The following BLM variants were observed in gnomAD, a reference collection of about 807,000 sequenced individuals.
BLM encodes BLM RecQ like helicase.
BLM carries 95 observed loss-of-function variants against 135.3 expected under a neutral mutation model. That is an observed-to-expected ratio of 0.70 (90% CI 0.59 to 0.83). BLM has a LOEUF of 0.83. Ranked by LOEUF, BLM falls within the 40% of genes least tolerant of loss-of-function variation. The pLI is 0.00. For missense variants in BLM, 1,518 were observed against 1,663.9 expected (o/e 0.91, Z 1.53); for synonymous variants, 520 against 589.2 (o/e 0.88, Z 1.70).
chr15:90,790,486 T>A, intron 14 of BLM, 163 bp from the exon 15 acceptor site: 1 of 474,346 alleles, frequency 2.1e-6, no homozygotes, highest in Non-Finnish European at 3.8e-6. Context: ...TAAAAACTCA[T>A]ATTAGTTATA....
chr15:90,771,010 T>C (rs1362264710), intron 12 of BLM, among the ~76,000 whole-genome samples: 2 of 152,236 alleles, frequency 1.3e-5, no homozygotes, highest in Non-Finnish European at 2.9e-5. Context: ...AGCACTGTTA[T>C]ATAGCACAAA....
intron 12 of BLM, among the ~76,000 whole-genome samples, chr15:90,780,699 C>G (rs1351179491): frequency 6.6e-6 from 1 of 152,212 alleles, no homozygotes; most frequent in Admixed American, 6.5e-5. Flanking sequence ...GCACCAAGCG[C>G]TATGCTGTGT....
intron 3 of BLM, 126 bp from the exon 4 acceptor site, chr15:90,751,661 G>T: frequency 1.3e-6 from 1 of 743,606 alleles, no homozygotes; most frequent in South Asian, 1.6e-5. Context: ...AAAGGGAGAG[G>T]ATCCATACAA....
In BLM at chr15:90,815,389, CTA is replaced by C; in HGVS notation, c.*112_*113del. On this transcript the variant is annotated 3_prime_UTR_variant, in exon 22 of 22. Transcript: ENST00000355112. The surrounding 1 kb of genome is among the most constrained non-coding windows in gnomAD (Gnocchi z 4.6). Reference sequence around the variant, plus strand: ...TACCATTTGAAGTTTTTACTCGTCTCTATTAATATTTAAATAAATGCTGGGGG... The same window carrying C: ...TACCATTTGAAGTTTTTACTCGTCTCTTAATATTTAAATAAATGCTGGGGG... The C allele has an allele frequency of 8.5e-7, 1 of 1,172,308 alleles. No homozygotes were observed. The highest frequency in any genetic ancestry group is 1.2e-6 in the Non-Finnish European group (1 of 808,876). 72.6% of individuals were successfully genotyped at this position (1,172,308 alleles called of 1,614,324 possible).
At chr15:90,735,822 T>G (rs78203773) in intron 1 of BLM, among the ~76,000 whole-genome samples, 5,239 of 151,332 alleles carry the variant, frequency 0.035, 120 homozygotes, top group South Asian at 0.076. Context: ...ATTACAAAAA[T>G]GAAAAACACC....
At chr15:90,779,851 T>C (rs1443966764) in intron 12 of BLM, among the ~76,000 whole-genome samples, 1 of 152,144 alleles carries the variant, frequency 6.6e-6, no homozygotes, top group Non-Finnish European at 1.5e-5. Flanking sequence ...CACCGAAAGA[T>C]ATGAGGCCCT....
At chr15:90,787,991 G>A (rs1896797873) in intron 14 of BLM, among the ~76,000 whole-genome samples, 1 of 151,110 alleles carries the variant, frequency 6.6e-6, no homozygotes, top group South Asian at 2.1e-4. Flanking sequence ...ATCCAAGTAA[G>A]AAAAACAAAA....
At chr15:90,750,205 C>A (rs1459625964) in intron 3 of BLM, 138 bp downstream of exon 3, 2 of 930,956 alleles carry the variant, frequency 2.1e-6, no homozygotes, top group Admixed American at 2.1e-5. Flanking sequence ...TTTGAATAAT[C>A]TGTTGGCCAC....
intron 1 of BLM, among the ~76,000 whole-genome samples, chr15:90,722,118 C>CT (rs963058132): frequency 1.3e-5 from 2 of 150,518 alleles, no homozygotes; most frequent in Non-Finnish European, 3.0e-5. Flanking sequence ...AACCCCATCT[C>CT]TTTTTTTTTG....
intron 19 of BLM, among the ~76,000 whole-genome samples, chr15:90,807,620 T>A (rs1279203116): frequency 6.6e-6 from 1 of 152,100 alleles, no homozygotes; most frequent in Non-Finnish European, 1.5e-5. Flanking sequence ...ACTGGTCTCA[T>A]ACTCTTAGGC....
chr15:90,797,138 G>A (rs1180570369), intron 16 of BLM, among the ~76,000 whole-genome samples: 1 of 152,144 alleles, frequency 6.6e-6, no homozygotes, highest in Non-Finnish European at 1.5e-5. Context: ...AGATGGCCAG[G>A]TGCAGTGGCT....
At position 90,790,850 on chromosome 15, in the gene BLM, C is replaced by G. The variant is rs773494621; in HGVS notation, c.3019+6C>G. 3.1e-6 allele frequency: 5 copies of G among 1,611,008 alleles called. No individual in the cohort carries two copies. Among genetic ancestry groups the G allele is most frequent in the Non-Finnish European group, 4.2e-6 (5 of 1,177,380 alleles). ...ACTGAAAAGACTTATAATGAGTAAG[C>G]TGGGCTCCATTGTAGAGACATTCTG... On this transcript the variant is annotated splice_donor_region_variant and intron_variant, in intron 15 of 21. Coordinates refer to ENST00000355112, the MANE Select transcript of BLM (RefSeq NM_000057.4).
At chr15:90,790,330 CAG>C (rs1276444503) in intron 14 of BLM, 2 of 378,472 alleles carry the variant, frequency 5.3e-6, no homozygotes, top group South Asian at 4.5e-5. Flanking sequence ...GTAGCAAAAA[CAG>C]AGAACAGTGG....
intron 15 of BLM, among the ~76,000 whole-genome samples, chr15:90,792,168 C>T (rs1185718860): frequency 4.0e-5 from 6 of 149,982 alleles, no homozygotes; most frequent in Non-Finnish European, 7.4e-5. Context: ...TGCAATGGCA[C>T]GATCTCGGCC....
chr15:90,789,439 C>A (rs1317596935), intron 14 of BLM, among the ~76,000 whole-genome samples: 1 of 152,182 alleles, frequency 6.6e-6, no homozygotes, highest in African/African-American at 2.4e-5. Flanking sequence ...CTTCATGGAA[C>A]CCTGTGGGTC....
At chr15:90,722,227 A>G (rs948166232) in intron 1 of BLM, among the ~76,000 whole-genome samples, 1 of 151,652 alleles carries the variant, frequency 6.6e-6, no homozygotes, top group Non-Finnish European at 1.5e-5. Flanking sequence ...CTCCTGCCTC[A>G]GCCTCCCAAG....
intron 1 of BLM, among the ~76,000 whole-genome samples, chr15:90,720,874 G>A (rs146456231): frequency 1.2e-4 from 19 of 152,150 alleles, no homozygotes; most frequent in Non-Finnish European, 2.6e-4. Context: ...TGAGCCCACC[G>A]CACCTGGCCT....
chr15:90,726,298 C>T (rs1894913418), intron 1 of BLM, among the ~76,000 whole-genome samples: 1 of 152,066 alleles, frequency 6.6e-6, no homozygotes, highest in African/African-American at 2.4e-5. Context: ...GATGAAGTTT[C>T]ACTCTTGTTG....
intron 1 of BLM, among the ~76,000 whole-genome samples, chr15:90,735,246 T>C (rs908600752): frequency 3.0e-5 from 3 of 100,178 alleles, no homozygotes; most frequent in African/African-American, 1.1e-4. Context: ...AATATATATA[T>C]ATATATATAT....
Sources: allele counts gnomAD v4.1 joint callset (sites outside exome capture counted in the v4.1 genomes callset), GRCh38; gene constraint gnomAD v4.1.1; non-coding constraint Gnocchi (gnomAD v3.1); transcripts MANE v1.5; gene names NCBI Gene and HGNC (gene_info 2026-07-23, HGNC 2026-07-21).